The following KAZN variants were observed in gnomAD, a reference collection of about 807,000 sequenced individuals.
KAZN encodes kazrin, periplakin interacting protein.
A neutral mutation model predicts 87.4 loss-of-function variants in KAZN; 40 were observed. The ratio of observed to expected loss-of-function variants is 0.46; its 90% CI spans 0.36 to 0.60. The LOEUF (loss-of-function observed/expected upper bound fraction) is 0.60, where lower values mean the gene tolerates loss of function less well. Ranked by LOEUF, KAZN falls within the 20% of genes least tolerant of loss-of-function variation. The pLI, the probability that KAZN is intolerant of heterozygous loss-of-function variation, is 0.00. For missense variants in KAZN, 898 were observed against 1,073.9 expected (o/e 0.84, Z 2.29); for synonymous variants, 466 against 458.3 (o/e 1.02, Z -0.22).
intron 2 of KAZN, among the ~76,000 whole-genome samples, chr1:14,396,878 T>C (rs1018598170): frequency 6.8e-6 from 1 of 147,806 alleles, no homozygotes; most frequent in African/African-American, 2.5e-5. Context: ...TTAAGACAGA[T>C]TCCATTTTCT....
intron 1 of KAZN, among the ~76,000 whole-genome samples, chr1:13,945,300 C>T (rs1033520958): frequency 8.9e-6 from 1 of 112,758 alleles, no homozygotes; most frequent in East Asian, 2.1e-4. Context: ...ATGGTGAAAC[C>T]CCCATCTCTA....
At chr1:14,337,312 A>C (rs547577609) in intron 2 of KAZN, among the ~76,000 whole-genome samples, 1 of 152,262 alleles carries the variant, frequency 6.6e-6, no homozygotes, top group Non-Finnish European at 1.5e-5. Context: ...GGATGAAAGA[A>C]AAATGGTATT....
intron 2 of KAZN, among the ~76,000 whole-genome samples, chr1:14,336,648 T>A (rs1398397304): frequency 2.6e-5 from 4 of 152,226 alleles, no homozygotes; most frequent in Admixed American, 2.6e-4. Context: ...CTTTAGTCAT[T>A]CTCATGATTG....
intron 1 of KAZN, among the ~76,000 whole-genome samples, chr1:14,908,597 C>CTGTAG (rs113356137): frequency 0.021 from 3,186 of 152,146 alleles, 101 homozygotes; most frequent in African/African-American, 0.07. Flanking sequence ...AGGCATGTGA[C>CTGTAG]TCCCAGCTAC....
chr1:14,063,587 A>G (rs1642879526), intron 1 of KAZN, among the ~76,000 whole-genome samples: 1 of 152,140 alleles, frequency 6.6e-6, no homozygotes, highest in African/African-American at 2.4e-5. Flanking sequence ...GAAATTCCCA[A>G]TATCACACCA....
chr1:14,625,726 G>A (rs1232802966), intron 1 of KAZN, among the ~76,000 whole-genome samples: 1 of 152,208 alleles, frequency 6.6e-6, no homozygotes, highest in East Asian at 1.9e-4. Flanking sequence ...CAGGCAATTA[G>A]CAGACATGAA....
chr1:14,860,889 T>G (rs1359388253), intron 1 of KAZN, among the ~76,000 whole-genome samples: 1 of 152,208 alleles, frequency 6.6e-6, no homozygotes, highest in Non-Finnish European at 1.5e-5. Context: ...TGTCTGCATT[T>G]TTGGCACTGG....
chr1:14,557,629 GGTGTGTGT>G (rs59563758), intron 2 of KAZN, among the ~76,000 whole-genome samples: 2,031 of 137,788 alleles, frequency 0.015, 44 homozygotes, highest in African/African-American at 0.043. Context: ...GGTGTGTGTG[GGTGTGTGT>G]GTGTGTGTGT....
At chr1:14,431,538 G>A (rs923701823) in intron 2 of KAZN, among the ~76,000 whole-genome samples, 2 of 152,170 alleles carry the variant, frequency 1.3e-5, no homozygotes, top group African/African-American at 4.8e-5. Context: ...TGTCTCTGAG[G>A]GTGTTGACAT....
intron 1 of KAZN, among the ~76,000 whole-genome samples, chr1:14,041,514 T>A (rs1641837936): frequency 6.6e-6 from 1 of 152,218 alleles, no homozygotes; most frequent in Non-Finnish European, 1.5e-5. Context: ...GCCAAACCTG[T>A]CAGATAACCT....
chr1:14,850,085 G>A (rs923426205), intron 1 of KAZN, among the ~76,000 whole-genome samples: 31 of 151,936 alleles, frequency 2.0e-4, no homozygotes, highest in African/African-American at 6.8e-4. Flanking sequence ...ACAGGTGTAC[G>A]CCACCACACC....
chr1:14,308,842 G>C (rs1158439998), intron 2 of KAZN, among the ~76,000 whole-genome samples: 4 of 152,172 alleles, frequency 2.6e-5, no homozygotes, highest in African/African-American at 9.7e-5. Context: ...CTGTTTGCCT[G>C]TTGTGTATGA....
At chr1:14,883,355 AAAAGAAAGAAAGAAAGAAAGAAAGAAAG>A (rs1244741160) in intron 1 of KAZN, among the ~76,000 whole-genome samples, 45 of 20,600 alleles carry the variant, frequency 2.2e-3, no homozygotes, top group Non-Finnish European at 3.7e-3. Flanking sequence ...AGAAAGAAAG[AAAAGAAAGAAAGAAAGAAAGAAAGAAAG>A]AAAGAAAGAA....
At chr1:14,329,732 T>A (rs1292031510) in intron 2 of KAZN, among the ~76,000 whole-genome samples, 1 of 152,178 alleles carries the variant, frequency 6.6e-6, no homozygotes, top group Non-Finnish European at 1.5e-5. Context: ...TATTTAACTT[T>A]CTTGGATGTC....
At chr1:14,702,377 T>C (rs1007423033) in intron 1 of KAZN, among the ~76,000 whole-genome samples, 3 of 148,326 alleles carry the variant, frequency 2.0e-5, no homozygotes, top group African/African-American at 7.5e-5. Flanking sequence ...GATTTCTCTG[T>C]GAAGAGGGTT....
At position 14,883,318 on chromosome 1, in the gene KAZN, A is replaced by AGAGAG. The variant is rs1653557416; in HGVS notation, c.227-77366_227-77365insGAGAG. On this transcript the variant is annotated intron_variant, in intron 1 of 14. Transcript: ENST00000376030. ...CTCAAAAGAAAGAAAGAAAGAAAGA[A>AGAGAG]AGAGAGAGAGAGAGAGAGAGAGAGA... is the stretch of plus-strand genomic sequence containing the variant. Among the ~76,000 whole-genome samples, 9 of 38,548 alleles carry AGAGAG rather than the reference A, an allele frequency of 2.3e-4. 1 individual carries two copies. The highest frequency in any genetic ancestry group is 1.5e-3 in the Admixed American group (4 of 2,744). The allele number at this position is 38,548 out of a possible 152,430, so 25.3% of individuals were successfully genotyped here. A position where few individuals can be genotyped will look rare whatever the true frequency, so the allele number is the denominator to read the frequency against.
At chr1:14,906,303 C>G (rs2101331526) in intron 1 of KAZN, among the ~76,000 whole-genome samples, 1 of 152,264 alleles carries the variant, frequency 6.6e-6, no homozygotes, top group African/African-American at 2.4e-5. Flanking sequence ...TGGTTGCCCT[C>G]AAAGTATGCT....
intron 1 of KAZN, among the ~76,000 whole-genome samples, chr1:13,977,403 G>A (rs1397748563): frequency 6.6e-6 from 1 of 152,198 alleles, no homozygotes; most frequent in African/African-American, 2.4e-5. Context: ...GTGGAGTAAT[G>A]TAGGACTTCT....
chr1:14,629,331 T>C (rs1679388239), intron 1 of KAZN, among the ~76,000 whole-genome samples: 1 of 152,228 alleles, frequency 6.6e-6, no homozygotes, highest in Non-Finnish European at 1.5e-5. Context: ...CAGTTTGCCA[T>C]ATTCGTTGCT....
Sources: allele counts gnomAD v4.1 joint callset (sites outside exome capture counted in the v4.1 genomes callset), GRCh38; gene constraint gnomAD v4.1.1; transcripts MANE v1.5; gene names NCBI Gene and HGNC (gene_info 2026-07-23, HGNC 2026-07-21).